The following C7orf57 variants were observed in gnomAD, a reference collection of about 807,000 sequenced individuals.
C7orf57 encodes chromosome 7 open reading frame 57.
A neutral mutation model predicts 39.0 loss-of-function variants in C7orf57; 33 were observed. The ratio of observed to expected loss-of-function variants is 0.85; its 90% CI spans 0.64 to 1.13. C7orf57 has a LOEUF of 1.13. C7orf57 is among the 50% of genes most tolerant of loss of function. The pLI is 0.00. For missense variants in C7orf57, 346 were observed against 362.3 expected, an observed-to-expected ratio of 0.95 and a Z score of 0.37; for synonymous variants, 124 against 137.1, an observed-to-expected ratio of 0.90 and a Z score of 0.67.
chr7:48,051,806 CCTT>C (rs1790918820), intron 6 of C7orf57, among the ~76,000 whole-genome samples: 1 of 68,108 alleles, frequency 1.5e-5, no homozygotes. Context: ...TTCCTTCCTT[CCTT>C]TTCTCTTCTC....
Position 48,060,290 on chromosome 7 carries a change from AT to A in C7orf57, c.*21del. Reference sequence around the variant, plus strand: ...TCAAATAAATCCTGATGCAATATGTATTTAGGATAATTTTTAAATGGCTAAA... The same window carrying A: ...TCAAATAAATCCTGATGCAATATGTATTAGGATAATTTTTAAATGGCTAAA... On this transcript the variant is annotated 3_prime_UTR_variant, in exon 9 of 9. Coordinates refer to ENST00000348904, the MANE Select transcript of C7orf57 (RefSeq NM_001100159.3). 6.8e-7 allele frequency: 1 copy of A among 1,476,374 alleles called. No individual in the cohort carries two copies. Among genetic ancestry groups the A allele is most frequent in the Non-Finnish European group, 9.2e-7 (1 of 1,090,724 alleles). 91.5% of individuals were successfully genotyped at this position (1,476,374 alleles called of 1,614,324 possible). A position where few individuals can be genotyped will look rare whatever the true frequency, so the allele number is the denominator to read the frequency against.
At chr7:48,054,538 C>G in intron 7 of C7orf57, 57 bp from the exon 8 acceptor site, 1 of 1,398,072 alleles carries the variant, frequency 7.2e-7, no homozygotes. Context: ...ATTATGACTT[C>G]TTTTAATACT....
intron 3 of C7orf57, among the ~76,000 whole-genome samples, chr7:48,043,130 T>G (rs1416409022): frequency 6.6e-6 from 1 of 152,092 alleles, no homozygotes; most frequent in African/African-American, 2.4e-5. Flanking sequence ...GGAGCCAGCA[T>G]GTGCAGCCCC....
intron 8 of C7orf57, among the ~76,000 whole-genome samples, chr7:48,056,502 C>G (rs563264000): frequency 6.6e-6 from 1 of 151,908 alleles, no homozygotes; most frequent in South Asian, 2.1e-4. Context: ...GTGTTCTGTC[C>G]AAAAAATCAT....
chr7:48,051,347 ATTTTTT>A (rs71006546), intron 6 of C7orf57, among the ~76,000 whole-genome samples: 14 of 69,770 alleles, frequency 2.0e-4, no homozygotes, highest in Non-Finnish European at 2.6e-4. Context: ...CAGCTGGCTA[ATTTTTT>A]TTTTTTTTTT....
Position 48,060,404 on chromosome 7 carries a change from C to T in C7orf57, c.*132C>T. ...TCTCATTGAATAATTTACCTTGCAG[C>T]AGATTTGACATTGCTGCATAGAAGG... is the stretch of plus-strand genomic sequence containing the variant. On this transcript the variant is annotated 3_prime_UTR_variant, in exon 9 of 9. Transcript: ENST00000348904. 3 of 558,972 alleles carry T rather than the reference C, an allele frequency of 5.4e-6. No homozygotes were observed. Among genetic ancestry groups the T allele is most frequent in the Non-Finnish European group, 9.3e-6 (3 of 320,980 alleles). The allele number at this position is 558,972 out of a possible 1,614,324, so 34.6% of individuals were successfully genotyped here.
chr7:48,051,903 CCTT>C (rs1562630488), intron 6 of C7orf57, among the ~76,000 whole-genome samples: 1 of 118,062 alleles, frequency 8.5e-6, no homozygotes, highest in African/African-American at 3.1e-5. Flanking sequence ...TTCCTTCCTT[CCTT>C]TTCTTTTCTC....
rs1312186939 is a variant in C7orf57, at chr7:48,041,320, T to C, written c.56-14T>C. On this transcript the variant is annotated splice_polypyrimidine_tract_variant and intron_variant, in intron 2 of 8. Coordinates refer to ENST00000348904, the MANE Select transcript of C7orf57 (RefSeq NM_001100159.3). Reference sequence around the variant, plus strand: ...CACAGCAACAGTGTGGCCCTCCGCCTCTCTCCTCTATAGATTGGTATTACC... The same window carrying C: ...CACAGCAACAGTGTGGCCCTCCGCCCCTCTCCTCTATAGATTGGTATTACC... The C allele has an allele frequency of 6.2e-7, 1 of 1,601,256 alleles. No homozygotes were observed. The highest frequency in any genetic ancestry group is 1.3e-5 in the African/African-American group (1 of 74,646).
At chr7:48,049,327 A>C (rs1218723095) in intron 5 of C7orf57, among the ~76,000 whole-genome samples, 6 of 152,262 alleles carry the variant, frequency 3.9e-5, no homozygotes, top group Admixed American at 2.0e-4. Context: ...AAATCAATGG[A>C]ATCATACGGC....
intron 7 of C7orf57, 94 bp downstream of exon 7, chr7:48,053,017 G>A: frequency 9.8e-7 from 1 of 1,021,550 alleles, no homozygotes; most frequent in Non-Finnish European, 1.5e-6. Flanking sequence ...CTCGTAATGA[G>A]AAATGAGTAA....
At chr7:48,059,603 A>C (rs780140739) in intron 8 of C7orf57, among the ~76,000 whole-genome samples, 12 of 152,180 alleles carry the variant, frequency 7.9e-5, no homozygotes, top group Non-Finnish European at 1.6e-4. Context: ...CACCCACTTC[A>C]GCCTCCCACA....
chr7:48,049,110 A>T (rs1458728588), intron 5 of C7orf57, among the ~76,000 whole-genome samples: 1 of 152,074 alleles, frequency 6.6e-6, no homozygotes, highest in Non-Finnish European at 1.5e-5. Context: ...ACTTCTCCAC[A>T]CACATAAACA....
intron 6 of C7orf57, among the ~76,000 whole-genome samples, chr7:48,051,854 T>C (rs1790943162): frequency 2.3e-5 from 2 of 87,994 alleles, no homozygotes; most frequent in African/African-American, 5.9e-5. Flanking sequence ...TTTCTTTCTT[T>C]CTTTCTTTCT....
chr7:48,052,162 C>G (rs766370139), intron 6 of C7orf57, among the ~76,000 whole-genome samples: 1 of 151,742 alleles, frequency 6.6e-6, no homozygotes, highest in African/African-American at 2.4e-5. Context: ...TTCGTGGAGA[C>G]GGGGTTTCAC....
intron 6 of C7orf57, 114 bp from the exon 7 acceptor site, chr7:48,052,586 T>C: frequency 2.5e-6 from 2 of 798,034 alleles, no homozygotes; most frequent in Non-Finnish European, 4.2e-6. Flanking sequence ...GAGAGAGGTT[T>C]GTTAGGTTTA....
At chr7:48,051,852 TTTCTTTC>T (rs1554299774) in intron 6 of C7orf57, among the ~76,000 whole-genome samples, 1 of 80,668 alleles carries the variant, frequency 1.2e-5, no homozygotes, top group Admixed American at 1.2e-4. Flanking sequence ...TCTTTCTTTC[TTTCTTTC>T]TTTCTTTCTT....
chr7:48,060,420 G>C lies in C7orf57; in HGVS notation c.*148G>C, dbSNP rs1791259373. The C allele has an allele frequency of 2.0e-6, 1 of 506,944 alleles. No individual in the cohort carries two copies. The highest frequency in any genetic ancestry group is 3.5e-5 in the South Asian group (1 of 28,872). 31.4% of individuals were successfully genotyped at this position (506,944 alleles called of 1,614,324 possible). ...ACCTTGCAGCAGATTTGACATTGCT[G>C]CATAGAAGGGGCAGGTGTTGGTTTT... On this transcript the variant is annotated 3_prime_UTR_variant, in exon 9 of 9. Transcript: ENST00000348904.
intron 6 of C7orf57, among the ~76,000 whole-genome samples, chr7:48,051,735 T>TCTTTCC (rs1790892010): frequency 1.4e-5 from 1 of 72,494 alleles, no homozygotes; most frequent in African/African-American, 3.7e-5. Flanking sequence ...TCTCTTTTTC[T>TCTTTCC]TTTCTTTCTT....
chr7:48,041,543 A>T, intron 3 of C7orf57, 24 bp downstream of exon 3: 1 of 1,542,006 alleles, frequency 6.5e-7, no homozygotes, highest in East Asian at 2.3e-5. Flanking sequence ...TGCCCTGTTC[A>T]GTGTGGCAGC....
Sources: allele counts gnomAD v4.1 joint callset (sites outside exome capture counted in the v4.1 genomes callset), GRCh38; gene constraint gnomAD v4.1.1; transcripts MANE v1.5; gene names NCBI Gene and HGNC (gene_info 2026-07-23, HGNC 2026-07-21).